Variants in KAZN observed in about 807,000 individuals in gnomAD.
KAZN encodes the protein kazrin, periplakin interacting protein, also known as kazrin.
Under a neutral mutation model 87.4 loss-of-function variants are expected in KAZN, and 40 were observed. The observed-to-expected ratio is 0.46, with a 90% CI of 0.36 to 0.60. The LOEUF is 0.60. KAZN is among the 20% of genes least tolerant of loss of function. The pLI, the probability that KAZN is intolerant of heterozygous loss-of-function variation, is 0.00. For synonymous variants in KAZN, 466 were observed against 458.3 expected (o/e 1.02, Z -0.22); for missense variants, 898 against 1,073.9 (o/e 0.84, Z 2.29).
chr1:14,473,383 C>A (rs896893018), intron 2 of KAZN, among the ~76,000 whole-genome samples: 31 of 152,160 alleles, frequency 2.0e-4, no homozygotes, highest in African/African-American at 7.2e-4. Flanking sequence ...AATCCCAACA[C>A]TTTGGGAGGC....
At position 15,060,352 on chromosome 1, in the gene KAZN, T is replaced by C. The variant is rs199716423; in HGVS notation, c.1047+50T>C. ...GGGCCCCTGGGCCCTGCCCAGAAAC[T>C]GCAGGGGCGGGGGTGGCGGGGTGAA... On this transcript the variant is annotated intron_variant, in intron 6 of 14. Coordinates refer to ENST00000376030, the MANE Select transcript of KAZN (RefSeq NM_201628.3). 177 of 1,604,114 alleles carry C rather than the reference T, an allele frequency of 1.1e-4. No individual in the cohort carries two copies. The African/African-American group carries it at 2.2e-3, about 20-fold the overall frequency.
chr1:14,430,064 C>A (rs1274468129), intron 2 of KAZN, among the ~76,000 whole-genome samples: 2 of 151,980 alleles, frequency 1.3e-5, no homozygotes, highest in African/African-American at 2.4e-5. Flanking sequence ...TTGCAGAGGT[C>A]ATTCCTTCTG....
At chr1:14,567,528 G>C (rs538449935) in intron 2 of KAZN, among the ~76,000 whole-genome samples, 1 of 152,290 alleles carries the variant, frequency 6.6e-6, no homozygotes, top group Non-Finnish European at 1.5e-5. Flanking sequence ...CCTTGAACTT[G>C]TAAAAATATG....
chr1:14,791,027 T>G (rs1406656670), intron 1 of KAZN, among the ~76,000 whole-genome samples: 1 of 152,116 alleles, frequency 6.6e-6, no homozygotes, highest in Non-Finnish European at 1.5e-5. Flanking sequence ...CTGGATTCCA[T>G]TTGCTGCCAT....
intron 1 of KAZN, among the ~76,000 whole-genome samples, chr1:13,959,107 A>G (rs1006829204): frequency 1.3e-5 from 2 of 152,142 alleles, no homozygotes; most frequent in Non-Finnish European, 2.9e-5. Flanking sequence ...GTGTCTCCCA[A>G]GTGATCCCTC....
intron 1 of KAZN, among the ~76,000 whole-genome samples, chr1:14,908,982 C>CA (rs770177445): frequency 3.0e-4 from 43 of 143,638 alleles, no homozygotes; most frequent in African/African-American, 3.8e-4. Context: ...GACTCCATCT[C>CA]AAAAAAAAAA....
intron 2 of KAZN, among the ~76,000 whole-genome samples, chr1:14,592,259 G>A (rs1676246223): frequency 6.6e-6 from 1 of 152,196 alleles, no homozygotes; most frequent in Admixed American, 6.5e-5. Flanking sequence ...ACTGTCTCTT[G>A]GAGGGGGATG....
In KAZN at chr1:15,116,386, C is replaced by T. The variant is rs1228886887; in HGVS notation, c.*1751C>T. The T allele has an allele frequency of 1.3e-5, 2 of 152,176 alleles. No homozygotes were observed. The highest frequency in any genetic ancestry group is 2.9e-5 in the Non-Finnish European group (2 of 68,034). 9.4% of individuals were successfully genotyped at this position (152,176 alleles called of 1,614,324 possible). A position where few individuals can be genotyped will look rare whatever the true frequency, so the allele number is the denominator to read the frequency against. On this transcript the variant is annotated 3_prime_UTR_variant, in exon 15 of 15. Transcript: ENST00000376030. The stretch of plus-strand genomic sequence containing the variant: ...GTGGTGTTCCCCCTAATGACATAAA[C>T]GCAGCCTTTCTTGCTGTCTGAGACC...
At chr1:14,744,182 A>G (rs1395418396) in intron 1 of KAZN, among the ~76,000 whole-genome samples, 1 of 152,052 alleles carries the variant, frequency 6.6e-6, no homozygotes, top group African/African-American at 2.4e-5. Flanking sequence ...ACACATTATT[A>G]ATAACACTAG....
intron 1 of KAZN, among the ~76,000 whole-genome samples, chr1:13,969,236 TAAA>T (rs1005596322): frequency 6.6e-6 from 1 of 152,172 alleles, no homozygotes; most frequent in African/African-American, 2.4e-5. Context: ...CCCCATATGT[TAAA>T]GTAGTAGTCA....
At chr1:13,901,596 C>T (rs1398143989) in intron 1 of KAZN, among the ~76,000 whole-genome samples, 1 of 152,222 alleles carries the variant, frequency 6.6e-6, no homozygotes, top group Non-Finnish European at 1.5e-5. Flanking sequence ...TTCCAGAGGC[C>T]AAACTCTCCA....
intron 7 of KAZN, among the ~76,000 whole-genome samples, chr1:15,064,514 G>A (rs1309828039): frequency 2.6e-5 from 4 of 152,160 alleles, no homozygotes; most frequent in East Asian, 1.9e-4. Flanking sequence ...CCCAGATGCC[G>A]GTAGTGTCCC....
At chr1:14,455,138 C>T (rs978719355) in intron 2 of KAZN, among the ~76,000 whole-genome samples, 11 of 152,216 alleles carry the variant, frequency 7.2e-5, no homozygotes, top group African/African-American at 2.2e-4. Flanking sequence ...GAAATGACAT[C>T]GCAATGTGGG....
In KAZN at chr1:15,054,663, A is replaced by G. The variant is rs185131906; in HGVS notation, c.727-1428A>G. On this transcript the variant is annotated intron_variant, in intron 4 of 14. Coordinates refer to ENST00000376030, the MANE Select transcript of KAZN (RefSeq NM_201628.3). Reference sequence around the variant, plus strand: ...TGAGACTCCATCTCAAAAAAAAAAAAAAGAAGAAGAAGAAGAAAATAATAT... The same window carrying G: ...TGAGACTCCATCTCAAAAAAAAAAAGAAGAAGAAGAAGAAGAAAATAATAT... Among the ~76,000 whole-genome samples, 745 of 151,602 alleles carry G rather than the reference A, an allele frequency of 4.9e-3. 8 individuals carry two copies. Among genetic ancestry groups the G allele is most frequent in the African/African-American group, 0.017 (703 of 41,130 alleles).
At chr1:14,708,722 C>T (rs1007284738) in intron 1 of KAZN, among the ~76,000 whole-genome samples, 3 of 152,224 alleles carry the variant, frequency 2.0e-5, no homozygotes, top group African/African-American at 7.2e-5. Context: ...GCAGCTAATT[C>T]TCACCCTTTG....
intron 2 of KAZN, among the ~76,000 whole-genome samples, chr1:15,001,307 C>CAAA (rs201932238): frequency 1.0e-5 from 1 of 97,806 alleles, no homozygotes; most frequent in East Asian, 2.5e-4. Flanking sequence ...ACTAAAAATA[C>CAAA]AAAAAAAAAA....
chr1:14,337,173 C>T (rs540577276), intron 2 of KAZN, among the ~76,000 whole-genome samples: 280 of 152,268 alleles, frequency 1.8e-3, no homozygotes, highest in African/African-American at 6.5e-3. Flanking sequence ...ATTGTTAGCC[C>T]TTATTATTTG....
intron 1 of KAZN, among the ~76,000 whole-genome samples, chr1:14,648,694 A>T (rs1156805117): frequency 6.6e-6 from 1 of 152,212 alleles, no homozygotes; most frequent in Non-Finnish European, 1.5e-5. Context: ...CTTTGCTTCA[A>T]GGGGTGGTTC....
chr1:14,428,336 T>C (rs950778722), intron 2 of KAZN, among the ~76,000 whole-genome samples: 1 of 152,136 alleles, frequency 6.6e-6, no homozygotes, highest in Non-Finnish European at 1.5e-5. Flanking sequence ...ACCCTCCCCA[T>C]TCAAATGTAC....
Sources: gnomAD v4.1 joint callset for allele counts (sites outside exome capture counted in the v4.1 genomes callset) on GRCh38, gnomAD v4.1.1 for gene constraint, MANE v1.5 for transcripts, NCBI Gene and HGNC (gene_info 2026-07-23, HGNC 2026-07-21) for gene names.